Variants in COL25A1 observed in about 807,000 individuals in gnomAD.
The protein encoded by COL25A1 is collagen type XXV alpha 1 chain, also known as collagen alpha-1(XXV) chain.
A neutral mutation model predicts 128.4 loss-of-function variants in COL25A1; 103 were observed. That is an observed-to-expected ratio of 0.80 (90% confidence interval 0.68 to 0.94). COL25A1 has a LOEUF of 0.94. Among genes scored for constraint, COL25A1 ranks in the 40% least tolerant of loss-of-function variants. The probability of loss-of-function intolerance (pLI) is 0.00; values close to 1 mark genes in which losing one functional copy is unlikely to be tolerated. For missense variants in COL25A1, 745 were observed against 840.0 expected (o/e 0.89, Z 1.40); for synonymous variants, 279 against 277.2 (o/e 1.01, Z -0.06).
chr4:108,908,654 C>G (rs1223754278), intron 13 of COL25A1, among the ~76,000 whole-genome samples: 3 of 152,174 alleles, frequency 2.0e-5, no homozygotes, highest in Non-Finnish European at 4.4e-5. Flanking sequence ...GCTGCCCAGA[C>G]AGAGCCAATT....
intron 15 of COL25A1, among the ~76,000 whole-genome samples, chr4:108,898,178 T>C (rs1002689031): frequency 6.6e-6 from 1 of 152,172 alleles, no homozygotes; most frequent in Non-Finnish European, 1.5e-5. Flanking sequence ...GGAAACTGGC[T>C]CAGAGTAATT....
chr4:108,990,199 C>A (rs1754032022), intron 6 of COL25A1, among the ~76,000 whole-genome samples: 1 of 38,916 alleles, frequency 2.6e-5, no homozygotes, highest in Admixed American at 3.6e-4. Flanking sequence ...GCAACAAGAG[C>A]AAAACTCCAT....
At chr4:108,990,890 G>A (rs1754164233) in intron 6 of COL25A1, among the ~76,000 whole-genome samples, 1 of 152,040 alleles carries the variant, frequency 6.6e-6, no homozygotes, top group African/African-American at 2.4e-5. Flanking sequence ...TTAAACCCAG[G>A]TACCTACCCC....
At chr4:108,970,418 G>T (rs1290899095) in intron 8 of COL25A1, among the ~76,000 whole-genome samples, 1 of 151,648 alleles carries the variant, frequency 6.6e-6, no homozygotes, top group African/African-American at 2.4e-5. Context: ...TATTTTTTAG[G>T]GTCCTTTTTA....
chr4:109,108,766 TTA>T (rs148049832), intron 3 of COL25A1, among the ~76,000 whole-genome samples: 16,679 of 148,944 alleles, frequency 0.11, 1,160 homozygotes, highest in African/African-American at 0.19. Flanking sequence ...TGGTTTTTTA[TTA>T]TTTTTTTAGC....
intron 8 of COL25A1, among the ~76,000 whole-genome samples, chr4:108,955,106 G>A (rs6825655): frequency 0.044 from 6,613 of 151,938 alleles, 363 homozygotes; most frequent in African/African-American, 0.13. Context: ...AAATTACAAG[G>A]TGTATGTCTG....
At chr4:108,998,728 C>T (rs906645688) in intron 6 of COL25A1, among the ~76,000 whole-genome samples, 15 of 152,154 alleles carry the variant, frequency 9.9e-5, no homozygotes, top group Admixed American at 3.9e-4. Flanking sequence ...TACAAGGCTA[C>T]AGTAACCAAA....
intron 14 of COL25A1, among the ~76,000 whole-genome samples, chr4:108,900,504 C>A (rs973352327): frequency 3.3e-5 from 5 of 152,114 alleles, no homozygotes; most frequent in Non-Finnish European, 7.4e-5. Flanking sequence ...GATTTGGCTG[C>A]CTGCTTGATT....
intron 20 of COL25A1, among the ~76,000 whole-genome samples, chr4:108,866,981 T>C (rs922416513): frequency 1.3e-5 from 2 of 152,218 alleles, no homozygotes; most frequent in African/African-American, 4.8e-5. Context: ...ATACATTCTT[T>C]AGTTTTACTC....
Position 109,049,064 on chromosome 4 carries a change from A to G in COL25A1, c.413-889T>C, listed in dbSNP as rs1760734065. ...AATAAGCAACTACACTGCTCAAATT[A>G]ATAAATTTTCACAAATGCTTTTTAC... On this transcript the variant is annotated intron_variant, in intron 4 of 37. Coordinates refer to ENST00000399132, the MANE Select transcript of COL25A1 (RefSeq NM_198721.4). Among the ~76,000 whole-genome samples, 3 of 152,262 alleles carry G rather than the reference A, an allele frequency of 2.0e-5. No homozygotes were observed. The South Asian group carries it at 6.2e-4, about 32-fold the overall frequency.
intron 3 of COL25A1, among the ~76,000 whole-genome samples, chr4:109,245,505 A>G (rs1312507629): frequency 1.3e-5 from 2 of 152,210 alleles, no homozygotes; most frequent in Admixed American, 6.5e-5. Context: ...AACATTTCAG[A>G]GTACCAGACA....
intron 5 of COL25A1, among the ~76,000 whole-genome samples, chr4:109,047,763 C>T (rs192421963): frequency 8.7e-4 from 119 of 136,558 alleles, no homozygotes; most frequent in Non-Finnish European, 1.3e-3. Flanking sequence ...GACAGAGTCT[C>T]GCTCTTTTGC....
At chr4:108,986,256 C>T (rs751848348) in intron 6 of COL25A1, among the ~76,000 whole-genome samples, 17 of 152,056 alleles carry the variant, frequency 1.1e-4, no homozygotes, top group Non-Finnish European at 2.5e-4. Flanking sequence ...TTCCTCAGCT[C>T]AAAGAACTTC....
chr4:108,896,223 C>G (rs1420628397), intron 16 of COL25A1, among the ~76,000 whole-genome samples: 3 of 151,982 alleles, frequency 2.0e-5, no homozygotes, highest in Non-Finnish European at 4.4e-5. Flanking sequence ...GCTGGGATTA[C>G]AGGCCTGAGT....
chr4:108,956,870 G>C (rs1221238801), intron 8 of COL25A1, among the ~76,000 whole-genome samples: 1 of 152,170 alleles, frequency 6.6e-6, no homozygotes, highest in Non-Finnish European at 1.5e-5. Context: ...ATCCAGAGGG[G>C]ACCTCAACAG....
intron 3 of COL25A1, among the ~76,000 whole-genome samples, chr4:109,076,414 T>C (rs1438899624): frequency 6.6e-6 from 1 of 152,176 alleles, no homozygotes; most frequent in Non-Finnish European, 1.5e-5. Flanking sequence ...ATTTATCACT[T>C]ATCGAGTGCT....
At chr4:109,083,448 A>AATTTT (rs377354398) in intron 3 of COL25A1, among the ~76,000 whole-genome samples, 1 of 77,010 alleles carries the variant, frequency 1.3e-5, no homozygotes, top group African/African-American at 4.8e-5. Flanking sequence ...CACTAAATAA[A>AATTTT]TTTTTTTTTT....
chr4:109,013,804 T>G (rs1192736123), intron 5 of COL25A1, among the ~76,000 whole-genome samples: 2 of 152,018 alleles, frequency 1.3e-5, no homozygotes, highest in Non-Finnish European at 2.9e-5. Flanking sequence ...AGGAACAAAC[T>G]CCGGACACAC....
intron 3 of COL25A1, among the ~76,000 whole-genome samples, chr4:109,087,086 C>A (rs1764461515): frequency 6.6e-6 from 1 of 152,088 alleles, no homozygotes; most frequent in Admixed American, 6.5e-5. Flanking sequence ...ACGGACCTGC[C>A]TATCAACCAC....
Sources: allele counts gnomAD v4.1 joint callset (sites outside exome capture counted in the v4.1 genomes callset), GRCh38; gene constraint gnomAD v4.1.1; transcripts MANE v1.5; gene names NCBI Gene and HGNC (gene_info 2026-07-23, HGNC 2026-07-21).